The following RORA variants were observed in gnomAD, a reference collection of about 807,000 sequenced individuals.
RORA encodes the protein RAR related orphan receptor A.
In RORA, 7 loss-of-function variants were observed where a neutral mutation model predicts 69.5. The ratio of observed to expected loss-of-function variants is 0.10; its 90% CI spans 0.06 to 0.19. The LOEUF (loss-of-function observed/expected upper bound fraction) is 0.19. RORA is among the 10% of genes least tolerant of loss of function. The probability of loss-of-function intolerance (pLI) is 1.00; values close to 1 mark genes in which losing one functional copy is unlikely to be tolerated. For missense variants in RORA, 457 were observed against 663.0 expected (o/e 0.69, Z 3.41); for synonymous variants, 261 against 240.8 (o/e 1.08, Z -0.78).
intron 2 of RORA, among the ~76,000 whole-genome samples, chr15:60,655,094 G>T (rs2140705799): frequency 6.6e-6 from 1 of 152,258 alleles, no homozygotes; most frequent in South Asian, 2.1e-4. Flanking sequence ...AGTAATATTT[G>T]TTGGATGCAC....
intron 1 of RORA, among the ~76,000 whole-genome samples, chr15:60,998,929 C>T (rs2047138393): frequency 6.6e-6 from 1 of 152,170 alleles, no homozygotes; most frequent in South Asian, 2.1e-4. Context: ...GGGCTATCTC[C>T]GCTCAGTGAC....
At chr15:60,552,095 A>G (rs912028395) in intron 2 of RORA, among the ~76,000 whole-genome samples, 2 of 152,202 alleles carry the variant, frequency 1.3e-5, no homozygotes, top group Non-Finnish European at 2.9e-5. Flanking sequence ...GCCTTGCATC[A>G]TAGGTAGAAC....
intron 1 of RORA, among the ~76,000 whole-genome samples, chr15:61,119,794 G>C (rs1467756044): frequency 6.6e-6 from 1 of 152,190 alleles, no homozygotes; most frequent in Non-Finnish European, 1.5e-5. Flanking sequence ...TGCATGCTTA[G>C]TGTGGCATCC....
intron 1 of RORA, among the ~76,000 whole-genome samples, chr15:61,001,932 G>A (rs2140381378): frequency 6.6e-6 from 1 of 152,350 alleles, no homozygotes; most frequent in South Asian, 2.1e-4. Flanking sequence ...GTGGGCAGGA[G>A]GAAAGAAGAC....
At chr15:61,203,298 G>A (rs1349736376) in intron 1 of RORA, among the ~76,000 whole-genome samples, 3 of 152,172 alleles carry the variant, frequency 2.0e-5, no homozygotes, top group African/African-American at 4.8e-5. Flanking sequence ...TATGATGATG[G>A]AAGACAGAAA....
intron 1 of RORA, among the ~76,000 whole-genome samples, chr15:61,137,591 G>A (rs963612958): frequency 6.6e-6 from 1 of 152,132 alleles, no homozygotes; most frequent in Non-Finnish European, 1.5e-5. Flanking sequence ...CACTGTGCTG[G>A]GCCGTTCCTA....
intron 2 of RORA, among the ~76,000 whole-genome samples, chr15:60,536,221 A>G (rs964137264): frequency 2.0e-5 from 3 of 152,232 alleles, no homozygotes; most frequent in African/African-American, 7.2e-5. Context: ...ATGACATACC[A>G]TATATATGAT....
chr15:60,960,535 G>C lies in RORA; in HGVS notation c.166+268518C>G, dbSNP rs183087457. Among the ~76,000 whole-genome samples the C allele has an allele frequency of 3.0e-4, 45 of 152,276 alleles. No individual in the cohort carries two copies. In the Middle Eastern group the frequency reaches 0.014, roughly 46 times the overall value. On this transcript the variant is annotated intron_variant, in intron 1 of 10. Transcript: ENST00000335670. ...TAGGAGTCTGTGCAGCTGATCTACT[G>C]AATGGGGCAGCGACTAGAGAGTTAC...
intron 1 of RORA, chr15:60,848,440 G>C (rs2073290158): frequency 6.6e-6 from 1 of 152,364 alleles, no homozygotes; most frequent in East Asian, 1.9e-4. Flanking sequence ...AAATTGGAGA[G>C]ATGCAGGGCC....
rs531238662 is a variant in RORA, at chr15:60,831,402, G to A, written c.167-152716C>T. 2.6e-5 allele frequency among the ~76,000 whole-genome samples: 4 copies of A among 152,126 alleles called. No homozygotes were observed. The South Asian group carries it at 6.2e-4, about 24-fold the overall frequency. ...TCTCCTGACATCCCAGCTTGAGAGT[G>A]GATACTACCTCCTAATAGCAAAGGA... On this transcript the variant is annotated intron_variant, in intron 1 of 10. Coordinates refer to ENST00000335670, the MANE Select transcript of RORA (RefSeq NM_134261.3).
At chr15:60,546,005 G>A (rs1054272070) in intron 2 of RORA, among the ~76,000 whole-genome samples, 3 of 152,182 alleles carry the variant, frequency 2.0e-5, no homozygotes, top group African/African-American at 7.2e-5. Flanking sequence ...GTGGTGATCA[G>A]GTTGCCTTCA....
chr15:60,864,345 C>T (rs1342420856), intron 1 of RORA, among the ~76,000 whole-genome samples: 1 of 152,076 alleles, frequency 6.6e-6, no homozygotes, highest in African/African-American at 2.4e-5. Flanking sequence ...TTTTTAAAAC[C>T]CATTTATTGC....
chr15:60,491,976 A>G lies in RORA; in HGVS notation c.*5479T>C, dbSNP rs545470077. The G allele has an allele frequency of 6.6e-6, 1 of 150,520 alleles. No homozygotes were observed. Among genetic ancestry groups the G allele is most frequent in the Non-Finnish European group, 1.5e-5 (1 of 67,732 alleles). The allele number at this position is 150,520 out of a possible 1,614,324, so 9.3% of individuals were successfully genotyped here. A position where few individuals can be genotyped will look rare whatever the true frequency, so the allele number is the denominator to read the frequency against. On this transcript the variant is annotated 3_prime_UTR_variant, in exon 11 of 11. Transcript: ENST00000335670. The stretch of plus-strand genomic sequence containing the variant: ...TATAAAGTTGTTTTCATGGGGTTCT[A>G]TATCATAACTTTATAAGAAGTGGCA...
chr15:61,011,155 C>T (rs982398008), intron 1 of RORA, among the ~76,000 whole-genome samples: 1 of 152,178 alleles, frequency 6.6e-6, no homozygotes, highest in African/African-American at 2.4e-5. Context: ...ACTGCACACA[C>T]TTCTGGCTTC....
At chr15:60,907,025 G>A (rs1033819098) in intron 1 of RORA, among the ~76,000 whole-genome samples, 4 of 152,146 alleles carry the variant, frequency 2.6e-5, no homozygotes, top group African/African-American at 9.7e-5. Context: ...TAGAAGGAGG[G>A]AGCACCAGGG....
intron 1 of RORA, among the ~76,000 whole-genome samples, chr15:60,883,101 C>T (rs959544753): frequency 7.1e-5 from 9 of 126,034 alleles, no homozygotes; most frequent in Non-Finnish European, 1.1e-4. Flanking sequence ...ATTGCATTCC[C>T]GCCTGGGCGA....
intron 1 of RORA, among the ~76,000 whole-genome samples, chr15:61,193,512 C>T (rs1457354074): frequency 1.3e-5 from 2 of 152,190 alleles, no homozygotes; most frequent in African/African-American, 2.4e-5. Context: ...AACACTTTGA[C>T]TCCCTGGATC....
chr15:61,191,061 C>T (rs745786712), intron 1 of RORA, among the ~76,000 whole-genome samples: 35 of 151,780 alleles, frequency 2.3e-4, no homozygotes, highest in Middle Eastern at 6.8e-3. Context: ...ATTCACATTT[C>T]CATGTGGGAA....
intron 2 of RORA, among the ~76,000 whole-genome samples, chr15:60,575,284 A>G (rs1250554949): frequency 1.3e-5 from 2 of 152,176 alleles, no homozygotes; most frequent in African/African-American, 4.8e-5. Context: ...TTCAAAAGCC[A>G]ATGGCTATAA....
Sources: allele counts gnomAD v4.1 joint callset (sites outside exome capture counted in the v4.1 genomes callset), GRCh38; gene constraint gnomAD v4.1.1; transcripts MANE v1.5; gene names NCBI Gene and HGNC (gene_info 2026-07-23, HGNC 2026-07-21).